Variants in DBX2 observed in about 807,000 individuals in gnomAD.
DBX2 encodes homeobox protein DBX2.
DBX2 carries 16 observed loss-of-function variants against 17.7 expected under a neutral mutation model. That is an observed-to-expected ratio of 0.90 (90% CI 0.61 to 1.37). The LOEUF (loss-of-function observed/expected upper bound fraction) is 1.37. DBX2 is among the 40% of genes most tolerant of loss of function. DBX2 has a pLI of 0.00. For synonymous variants in DBX2, 255 were observed against 183.8 expected, an observed-to-expected ratio of 1.39 and a Z score of -3.13; for missense variants, 538 against 433.8, an observed-to-expected ratio of 1.24 and a Z score of -2.13.
At chr12:45,029,874 T>TAAAAAAAAA (rs80164167) in intron 2 of DBX2, among the ~76,000 whole-genome samples, 1 of 87,102 alleles carries the variant, frequency 1.1e-5, no homozygotes, top group Non-Finnish European at 2.2e-5. Flanking sequence ...AAAAAAAAAA[T>TAAAAAAAAA]AATAAAAATA....
intron 1 of DBX2, among the ~76,000 whole-genome samples, chr12:45,040,590 G>A (rs1460475548): frequency 6.6e-6 from 1 of 152,044 alleles, no homozygotes; most frequent in Admixed American, 6.6e-5. Context: ...TGACTTATTT[G>A]AAGATACAGA....
Position 45,023,780 on chromosome 12 carries a change from A to C in DBX2, c.614T>G (p.Phe205Cys). 1.2e-6 allele frequency: 2 copies of C among 1,614,058 alleles called. No homozygotes were observed. Among genetic ancestry groups the C allele is most frequent in the Non-Finnish European group, 1.7e-6 (2 of 1,179,990 alleles). Residue 205 changes from phenylalanine (F) to cysteine (C), a missense_variant, in exon 3 of 4, where the codon TTT (phenylalanine) becomes TGT (cysteine). Transcript: ENST00000332700. Reference protein sequence around the residue: ...EDQRKALEKMFQKQKYISKTD... With the variant: ...EDQRKALEKMCQKQKYISKTD... The stretch of plus-strand genomic sequence containing the variant: ...TTTGCTGATATATTTCTGTTTCTGA[A>C]ACATTTTCTCCAGAGCCTTTCTCTG...
At chr12:45,025,378 C>T (rs796145256) in intron 2 of DBX2, among the ~76,000 whole-genome samples, 1 of 152,128 alleles carries the variant, frequency 6.6e-6, no homozygotes, top group South Asian at 2.1e-4. Flanking sequence ...AGAGCCTACA[C>T]AAAGAACACA....
At chr12:45,046,612 C>G (rs1946501753) in intron 1 of DBX2, among the ~76,000 whole-genome samples, 1 of 152,178 alleles carries the variant, frequency 6.6e-6, no homozygotes, top group Non-Finnish European at 1.5e-5. Context: ...GCGTAGGTGC[C>G]TAAAATGTAA....
rs115183378 is a variant in DBX2 at position 45,028,124 on chromosome 12, A to C, written c.500-4230T>G. Among the ~76,000 whole-genome samples the C allele has an allele frequency of 6.0e-3, 916 of 152,310 alleles. 12 individuals carry two copies. The highest frequency in any genetic ancestry group is 0.021 in the African/African-American group (862 of 41,554). The stretch of plus-strand genomic sequence containing the variant: ...TGCAGAGGCATGAAGCCAGGTGAAG[A>C]CAAGTGTGAAACATGGCAGATCTAA... On this transcript the variant is annotated intron_variant, in intron 2 of 3. Coordinates refer to ENST00000332700, the MANE Select transcript of DBX2 (RefSeq NM_001004329.3).
intron 1 of DBX2, 43 bp downstream of exon 1, chr12:45,050,482 G>A: frequency 6.5e-7 from 1 of 1,542,500 alleles, no homozygotes; most frequent in Non-Finnish European, 8.7e-7. Flanking sequence ...ACCCGGCCTG[G>A]GGGCGCGGGC....
At chr12:45,043,778 G>A (rs1459339679) in intron 1 of DBX2, among the ~76,000 whole-genome samples, 5 of 152,150 alleles carry the variant, frequency 3.3e-5, no homozygotes, top group African/African-American at 9.7e-5. Context: ...TATACACAAC[G>A]CCCCTTTTAC....
At chr12:45,040,814 C>A (rs1946467189) in intron 1 of DBX2, among the ~76,000 whole-genome samples, 1 of 151,930 alleles carries the variant, frequency 6.6e-6, no homozygotes, top group African/African-American at 2.4e-5. Context: ...CCTTTTTATT[C>A]TCCTTTAGTA....
At chr12:45,048,977 A>G (rs1946514916) in intron 1 of DBX2, among the ~76,000 whole-genome samples, 1 of 152,204 alleles carries the variant, frequency 6.6e-6, no homozygotes, top group African/African-American at 2.4e-5. Context: ...TGAAAATAAA[A>G]AGAATGTACT....
chr12:45,031,225 T>TGTGTGTGTGTGAGAGA (rs1377897653), intron 2 of DBX2, among the ~76,000 whole-genome samples: 180 of 85,638 alleles, frequency 2.1e-3, no homozygotes, highest in East Asian at 5.5e-3. Flanking sequence ...TGTGTGTGTG[T>TGTGTGTGTGTGAGAGA]GAGAGAGAGA....
intron 1 of DBX2, among the ~76,000 whole-genome samples, chr12:45,041,500 G>A (rs1289452859): frequency 1.3e-5 from 2 of 152,102 alleles, no homozygotes; most frequent in African/African-American, 4.8e-5. Context: ...AAAGTAATTT[G>A]TTTATGTGAT....
At chr12:45,027,369 G>T (rs950509113) in intron 2 of DBX2, among the ~76,000 whole-genome samples, 1 of 152,186 alleles carries the variant, frequency 6.6e-6, no homozygotes, top group African/African-American at 2.4e-5. Context: ...AGCAAAGCTG[G>T]CACCAAGACC....
Position 45,050,530 on chromosome 12 carries a change from G to T in DBX2, c.398C>A (p.Ala133Glu). The T allele has an allele frequency of 1.3e-6, 2 of 1,550,752 alleles. No homozygotes were observed. Among genetic ancestry groups the T allele is most frequent in the Non-Finnish European group, 1.7e-6 (2 of 1,148,174 alleles). Residue 133 changes from alanine to glutamate, a missense_variant, in exon 1 of 4, where the codon GCG becomes GAG. Physicochemically the swap from Ala to Glu is moderately radical, Grantham distance 107. Transcript: ENST00000332700. ...GDRDCTFQPSAPAPSKPFLLS... is the reference protein window; with the variant it reads ...GDRDCTFQPSEPAPSKPFLLS... ...GGAGGGGAGAGCTGGCTCACCTGGC[G>T]CTGAAGGCTGGAAGGTACAGTCTCG...
chr12:45,022,135 G>A (rs1358961385), intron 3 of DBX2, among the ~76,000 whole-genome samples: 1 of 151,962 alleles, frequency 6.6e-6, no homozygotes, highest in Non-Finnish European at 1.5e-5. Flanking sequence ...TTGAGGTTAT[G>A]GACTCATTAG....
rs373749684 is a variant in DBX2, at chr12:45,050,617, G to A, written c.311C>T (p.Ala104Val). The A allele has an allele frequency of 1.4e-5, 21 of 1,550,360 alleles. No homozygotes were observed. The East Asian group carries it at 2.4e-4, about 18-fold the overall frequency. The part of the protein sequence containing the change: ...PAGAPYGTRW[A>V]FQVLSPSADS... ...CGCAGAGGGACTGAGCACTTGAAAAGCCCACCGCGTTCCGTAGGGCGCCCC... is the reference window on the plus strand; with the variant it reads ...CGCAGAGGGACTGAGCACTTGAAAAACCCACCGCGTTCCGTAGGGCGCCCC... Residue 104 changes from alanine to valine, a missense_variant, in exon 1 of 4, where the codon GCT (alanine) becomes GTT (valine). By Grantham distance (64) the Ala-to-Val change is moderately conservative. Transcript: ENST00000332700.
chr12:45,030,470 TG>T (rs1946403669), intron 2 of DBX2, among the ~76,000 whole-genome samples: 1 of 152,224 alleles, frequency 6.6e-6, no homozygotes, highest in Admixed American at 6.5e-5. Context: ...TTTCACCTAT[TG>T]CTTCGAGAAG....
intron 1 of DBX2, among the ~76,000 whole-genome samples, chr12:45,045,694 T>A (rs1946495781): frequency 6.6e-6 from 1 of 152,150 alleles, no homozygotes; most frequent in African/African-American, 2.4e-5. Flanking sequence ...AAAATCACCC[T>A]TGGCAATCCC....
intron 1 of DBX2, among the ~76,000 whole-genome samples, chr12:45,044,167 A>G (rs182141898): frequency 6.6e-6 from 1 of 152,222 alleles, no homozygotes; most frequent in Non-Finnish European, 1.5e-5. Context: ...ATAGAAAAGC[A>G]GCTATAGAAA....
In DBX2 at chr12:45,015,476, T is replaced by C. The variant is rs1256831244; in HGVS notation, c.*810A>G. 1 of 152,224 alleles carries C rather than the reference T, an allele frequency of 6.6e-6. No individual in the cohort carries two copies. Among genetic ancestry groups the C allele is most frequent in the Non-Finnish European group, 1.5e-5 (1 of 68,040 alleles). The allele number at this position is 152,224 out of a possible 1,614,324, so 9.4% of individuals were successfully genotyped here. On this transcript the variant is annotated 3_prime_UTR_variant, in exon 4 of 4. Coordinates refer to ENST00000332700, the MANE Select transcript of DBX2 (RefSeq NM_001004329.3). ...GACTCAAATATCTCTGGGTGGGCCA[T>C]ACCCTCTATTTACCTGACAGGCTCT...
Sources: gnomAD v4.1 joint callset for allele counts (sites outside exome capture counted in the v4.1 genomes callset) on GRCh38, gnomAD v4.1.1 for gene constraint, MANE v1.5 for transcripts, NCBI Gene and HGNC (gene_info 2026-07-23, HGNC 2026-07-21) for gene names.